The following SLC35F1 variants were observed in gnomAD, a reference collection of about 807,000 sequenced individuals.
The protein encoded by SLC35F1 is solute carrier family 35 member F1, also known as chromosome 6 open reading frame 169.
SLC35F1 carries 14 observed loss-of-function variants against 48.7 expected under a neutral mutation model. That is an observed-to-expected ratio of 0.29 (90% CI 0.19 to 0.45). The LOEUF (loss-of-function observed/expected upper bound fraction) is 0.45, where lower values mean the gene tolerates loss of function less well. Ranked by LOEUF, SLC35F1 falls within the 20% of genes least tolerant of loss-of-function variation. The pLI, the probability that SLC35F1 is intolerant of heterozygous loss-of-function variation, is 1.00. For missense variants in SLC35F1, 404 were observed against 500.0 expected, an observed-to-expected ratio of 0.81 and a Z score of 1.83; for synonymous variants, 190 against 202.2, an observed-to-expected ratio of 0.94 and a Z score of 0.51.
At chr6:118,222,938 C>T (rs1775169752) in intron 2 of SLC35F1, among the ~76,000 whole-genome samples, 2 of 152,148 alleles carry the variant, frequency 1.3e-5, no homozygotes, top group African/African-American at 4.8e-5. Flanking sequence ...CAATCAGCCA[C>T]TTCTCCAAAG....
chr6:118,193,087 G>A (rs188035549), intron 2 of SLC35F1, among the ~76,000 whole-genome samples: 3 of 152,050 alleles, frequency 2.0e-5, no homozygotes, highest in African/African-American at 4.8e-5. Context: ...TAGTTTATTC[G>A]AAAGGTAAAC....
intron 1 of SLC35F1, among the ~76,000 whole-genome samples, chr6:118,139,286 G>T (rs2356075): frequency 0.24 from 36,360 of 151,822 alleles, 4,802 homozygotes; most frequent in East Asian, 0.39. Flanking sequence ...CTAATTTTTT[G>T]TATTTTTAGT....
intron 1 of SLC35F1, among the ~76,000 whole-genome samples, chr6:118,107,407 C>T (rs527787541): frequency 5.4e-4 from 82 of 152,256 alleles, no homozygotes; most frequent in Admixed American, 2.0e-3. Context: ...CAATATCACC[C>T]TGAGTGACTA....
intron 3 of SLC35F1, among the ~76,000 whole-genome samples, chr6:118,259,734 T>C (rs564136948): frequency 6.6e-6 from 1 of 151,372 alleles, no homozygotes; most frequent in African/African-American, 2.4e-5. Flanking sequence ...CAAATGTTGA[T>C]AGGATAAAGA....
intron 1 of SLC35F1, among the ~76,000 whole-genome samples, chr6:117,960,185 A>C (rs1211589531): frequency 6.6e-6 from 1 of 151,728 alleles, no homozygotes; most frequent in Non-Finnish European, 1.5e-5. Flanking sequence ...AATATTACAA[A>C]CTATCTATGT....
chr6:118,219,093 A>G (rs913097835), intron 2 of SLC35F1, among the ~76,000 whole-genome samples: 1 of 152,206 alleles, frequency 6.6e-6, no homozygotes, highest in Non-Finnish European at 1.5e-5. Context: ...GGCAGTGCAC[A>G]GGAGCTGACT....
intron 1 of SLC35F1, among the ~76,000 whole-genome samples, chr6:118,122,458 G>T (rs1773565380): frequency 6.6e-6 from 1 of 152,168 alleles, no homozygotes; most frequent in African/African-American, 2.4e-5. Context: ...TATTTTTCCT[G>T]CCACAGTATA....
chr6:118,312,497 T>C (rs1035301276), intron 7 of SLC35F1, among the ~76,000 whole-genome samples: 1 of 152,182 alleles, frequency 6.6e-6, no homozygotes, highest in Non-Finnish European at 1.5e-5. Context: ...TCAAGTTAAT[T>C]AAGTGAAGCT....
intron 1 of SLC35F1, among the ~76,000 whole-genome samples, chr6:118,117,878 T>G (rs1773495147): frequency 6.6e-6 from 1 of 152,188 alleles, no homozygotes; most frequent in African/African-American, 2.4e-5. Flanking sequence ...GCATATTTTT[T>G]TGATTCATCC....
At chr6:118,158,359 G>A (rs896594676) in intron 2 of SLC35F1, among the ~76,000 whole-genome samples, 13 of 152,164 alleles carry the variant, frequency 8.5e-5, no homozygotes, top group African/African-American at 3.1e-4. Context: ...ATTTGGGAAA[G>A]AATGAACAAC....
chr6:118,306,282 A>G (rs1212366873), intron 7 of SLC35F1, among the ~76,000 whole-genome samples: 1 of 152,236 alleles, frequency 6.6e-6, no homozygotes, highest in East Asian at 1.9e-4. Flanking sequence ...CAAAGGTTGC[A>G]GTGACAGGAA....
intron 1 of SLC35F1, among the ~76,000 whole-genome samples, chr6:118,151,357 C>A (rs575726701): frequency 6.6e-6 from 1 of 152,152 alleles, no homozygotes; most frequent in Non-Finnish European, 1.5e-5. Flanking sequence ...CCCTATCCCA[C>A]TCTGATCCCA....
chr6:118,267,299 A>C, intron 4 of SLC35F1, 145 bp downstream of exon 4: 1 of 957,806 alleles, frequency 1.0e-6, no homozygotes, highest in Non-Finnish European at 1.6e-6. Flanking sequence ...TGTTCCCCAC[A>C]CCTGAAACAG....
chr6:118,262,883 T>C (rs1775729592), intron 3 of SLC35F1, among the ~76,000 whole-genome samples: 2 of 152,088 alleles, frequency 1.3e-5, no homozygotes, highest in South Asian at 2.1e-4. Flanking sequence ...GCCCAGGAGA[T>C]TGAGGCGAGC....
At chr6:118,245,222 A>G (rs904276679) in intron 3 of SLC35F1, among the ~76,000 whole-genome samples, 3 of 152,206 alleles carry the variant, frequency 2.0e-5, no homozygotes, top group Non-Finnish European at 4.4e-5. Context: ...CCACCTGGCT[A>G]AGTAGCAGTA....
At chr6:118,090,397 GA>G (rs1189188370) in intron 1 of SLC35F1, among the ~76,000 whole-genome samples, 5 of 152,226 alleles carry the variant, frequency 3.3e-5, no homozygotes, top group Non-Finnish European at 7.4e-5. Context: ...AATAAATAAA[GA>G]ACATATAGAA....
chr6:118,224,330 A>T (rs1775187843), intron 2 of SLC35F1, among the ~76,000 whole-genome samples: 1 of 152,216 alleles, frequency 6.6e-6, no homozygotes, highest in Non-Finnish European at 1.5e-5. Flanking sequence ...GTCATTCAAG[A>T]TAGCAAATAA....
chr6:118,244,054 G>A (rs1249132318), intron 3 of SLC35F1, among the ~76,000 whole-genome samples: 1 of 152,170 alleles, frequency 6.6e-6, no homozygotes, highest in South Asian at 2.1e-4. Flanking sequence ...CTAACTATTT[G>A]GTTGGGTGCT....
intron 3 of SLC35F1, among the ~76,000 whole-genome samples, chr6:118,239,926 C>T (rs185808028): frequency 1.3e-5 from 2 of 152,252 alleles, no homozygotes; most frequent in East Asian, 1.9e-4. Flanking sequence ...AAGGCATTTC[C>T]TCTGTGAGCC....
Sources: gnomAD v4.1 joint callset for allele counts (sites outside exome capture counted in the v4.1 genomes callset) on GRCh38, gnomAD v4.1.1 for gene constraint, MANE v1.5 for transcripts, NCBI Gene and HGNC (gene_info 2026-07-23, HGNC 2026-07-21) for gene names.